Variants in NECTIN3 observed in about 807,000 individuals in gnomAD.
NECTIN3 encodes nectin-3.
In NECTIN3, 8 loss-of-function variants were observed where a neutral mutation model predicts 49.4. That is an observed-to-expected ratio of 0.16 (90% CI 0.10 to 0.29). The LOEUF (loss-of-function observed/expected upper bound fraction) is 0.29, where lower values mean the gene tolerates loss of function less well. Ranked by LOEUF, NECTIN3 falls within the 10% of genes least tolerant of loss-of-function variation. The pLI, the probability that NECTIN3 is intolerant of heterozygous loss-of-function variation, is 1.00. For missense variants in NECTIN3, 581 were observed against 654.6 expected (o/e 0.89, Z 1.23); for synonymous variants, 277 against 241.1 (o/e 1.15, Z -1.38).
chr3:111,138,985 T>G (rs893613042), downstream of NECTIN3, among the ~76,000 whole-genome samples: 1 of 151,580 alleles, frequency 6.6e-6, no homozygotes, highest in South Asian at 2.1e-4. Context: ...AAAAAGCTTC[T>G]TATTATGGAA....
chr3:111,171,502 C>G (rs1052135594), intron 7 of NECTIN3, among the ~76,000 whole-genome samples: 2 of 152,276 alleles, frequency 1.3e-5, no homozygotes, highest in Middle Eastern at 3.4e-3. Flanking sequence ...TAACCTTAGA[C>G]TTTAGTAGTT....
At chr3:111,191,594 G>C (rs995420389), upstream of NECTIN3, among the ~76,000 whole-genome samples, 5 of 151,888 alleles carry the variant, frequency 3.3e-5, no homozygotes, top group African/African-American at 9.7e-5. Flanking sequence ...TAATCTGTGT[G>C]GGGGGAGGGT....
chr3:111,172,902 A>G (rs2035460259), intron 7 of NECTIN3, among the ~76,000 whole-genome samples: 1 of 152,200 alleles, frequency 6.6e-6, no homozygotes, highest in South Asian at 2.1e-4. Flanking sequence ...GATTGCAGCA[A>G]ATCATTCCAA....
At chr3:111,100,053 T>C (rs1257612709) in intron 1 of NECTIN3, among the ~76,000 whole-genome samples, 1 of 152,072 alleles carries the variant, frequency 6.6e-6, no homozygotes, top group Non-Finnish European at 1.5e-5. Context: ...TTTATTCCAT[T>C]TTGTTACTCG....
In NECTIN3 at chr3:111,112,024, C is replaced by T; in HGVS notation, c.161-6C>T. 2 of 1,581,678 alleles carry T rather than the reference C, an allele frequency of 1.3e-6. No homozygotes were observed. Among genetic ancestry groups the T allele is most frequent in the Non-Finnish European group, 1.7e-6 (2 of 1,164,772 alleles). On this transcript the variant is annotated splice_polypyrimidine_tract_variant and splice_region_variant and intron_variant, in intron 1 of 5. Transcript: ENST00000485303. ...AAAAATTGTAGTACTTTTTTTTCCT[C>T]CATAGGTGCCTTAGCTGGACCAATT...
rs1373090755 is a variant in NECTIN3 at position 111,071,969 on chromosome 3, G to C, written c.-49G>C. ...GCCCAGAGCCTGAGGCGCCGGGGCC[G>C]GGGGAGCCGGGGGGCGGGCGGGCGA... On this transcript the variant is annotated 5_prime_UTR_variant, in exon 1 of 6. Coordinates refer to ENST00000485303, the MANE Select transcript of NECTIN3 (RefSeq NM_015480.3). 1 of 1,336,728 alleles carries C rather than the reference G, an allele frequency of 7.5e-7. No individual in the cohort carries two copies. Among genetic ancestry groups the C allele is most frequent in the Non-Finnish European group, 9.7e-7 (1 of 1,027,430 alleles). The allele number at this position is 1,336,728 out of a possible 1,614,324, so 82.8% of individuals were successfully genotyped here. A position where few individuals can be genotyped will look rare whatever the true frequency, so the allele number is the denominator to read the frequency against.
Position 111,071,893 on chromosome 3 carries a change from G to A in NECTIN3, c.-125G>A. ...GGCCAAGTGTCAGCCGGCAGCGACG[G>A]CGCTAGAGCTGGGAGCTGGGGACGC... On this transcript the variant is annotated 5_prime_UTR_variant, in exon 1 of 6. Coordinates refer to ENST00000485303, the MANE Select transcript of NECTIN3 (RefSeq NM_015480.3). The A allele has an allele frequency of 1.7e-6, 1 of 578,496 alleles. No homozygotes were observed. Among genetic ancestry groups the A allele is most frequent in the Non-Finnish European group, 2.6e-6 (1 of 383,882 alleles). 35.8% of individuals were successfully genotyped at this position (578,496 alleles called of 1,614,324 possible). A position where few individuals can be genotyped will look rare whatever the true frequency, so the allele number is the denominator to read the frequency against.
intron 1 of NECTIN3, among the ~76,000 whole-genome samples, chr3:111,097,512 G>C (rs1167799231): frequency 2.6e-5 from 4 of 152,152 alleles, no homozygotes; most frequent in African/African-American, 9.7e-5. Flanking sequence ...GAATGATATG[G>C]TTTGGCTGTG....
chr3:111,136,871 G>A lies in NECTIN3; in HGVS notation c.*2656G>A, dbSNP rs1014726524. ...TTTATTAAAATACATTGAAACTAAA[G>A]TAGGCTCGGGGTTAACTTTAAAAGT... On this transcript the variant is annotated 3_prime_UTR_variant, in exon 6 of 6. Coordinates refer to ENST00000485303, the MANE Select transcript of NECTIN3 (RefSeq NM_015480.3). 5.2e-6 allele frequency: 5 copies of A among 965,468 alleles called. No homozygotes were observed. The African/African-American group carries it at 7.1e-5, about 14-fold the overall frequency. The allele number at this position is 965,468 out of a possible 1,614,324, so 59.8% of individuals were successfully genotyped here.
At chr3:111,166,539 A>G (rs2035322951) in intron 7 of NECTIN3, among the ~76,000 whole-genome samples, 2 of 152,222 alleles carry the variant, frequency 1.3e-5, no homozygotes, top group Admixed American at 1.3e-4. Flanking sequence ...AGTTAAGACT[A>G]GGAAATCAGC....
intron 1 of NECTIN3, chr3:111,077,344 T>TA (rs10667346): frequency 0.017 from 1,359 of 80,306 alleles, 38 homozygotes; most frequent in African/African-American, 0.042. Flanking sequence ...ACTTTAATGG[T>TA]AAAAAAAAAA....
In NECTIN3 at chr3:111,170,022, C is replaced by G. The variant is rs150449154; in HGVS notation, c.1222-22329C>G. Among the ~76,000 whole-genome samples the G allele has an allele frequency of 2.6e-3, 395 of 152,288 alleles. 4 individuals carry two copies. Among genetic ancestry groups the G allele is most frequent in the Middle Eastern group, 6.8e-3 (2 of 294 alleles). On this transcript the variant is annotated intron_variant, in intron 7 of 8. Transcript: ENST00000493615. ...AGTTGAAAATGTTCTTGTGTGCCCCCCTTTGTCTCTATCCAAAGTGTGAGC... is the reference window on the plus strand; with the variant it reads ...AGTTGAAAATGTTCTTGTGTGCCCCGCTTTGTCTCTATCCAAAGTGTGAGC...
At chr3:111,115,354 G>A (rs1310600677) in intron 2 of NECTIN3, among the ~76,000 whole-genome samples, 1 of 152,220 alleles carries the variant, frequency 6.6e-6, no homozygotes, top group African/African-American at 2.4e-5. Flanking sequence ...CTAGGATAGG[G>A]AATTTGAGCT....
intron 1 of NECTIN3, among the ~76,000 whole-genome samples, chr3:111,193,703 G>T (rs2035855791): frequency 6.6e-6 from 1 of 152,152 alleles, no homozygotes. Context: ...TGATTCTCCA[G>T]AAAGAAAGGC....
chr3:111,130,245 C>T (rs1211507810), intron 5 of NECTIN3, among the ~76,000 whole-genome samples: 5 of 149,078 alleles, frequency 3.4e-5, no homozygotes, highest in African/African-American at 5.1e-5. Flanking sequence ...CATGAGCCAC[C>T]GCACCTAGCC....
intron 7 of NECTIN3, among the ~76,000 whole-genome samples, chr3:111,152,542 CT>C (rs1403216167): frequency 9.2e-5 from 14 of 151,600 alleles, no homozygotes; most frequent in Non-Finnish European, 1.5e-5. Flanking sequence ...ATTCTTTTGT[CT>C]TTTTATTTAT....
chr3:111,163,829 A>G (rs1472643855), intron 7 of NECTIN3, among the ~76,000 whole-genome samples: 3 of 152,176 alleles, frequency 2.0e-5, no homozygotes, highest in African/African-American at 7.2e-5. Context: ...TTACTTGGAT[A>G]AATAATATTT....
At chr3:111,102,352 A>G (rs542196581) in intron 1 of NECTIN3, among the ~76,000 whole-genome samples, 3 of 152,236 alleles carry the variant, frequency 2.0e-5, no homozygotes, top group South Asian at 2.1e-4. Flanking sequence ...TTCTTTAGCT[A>G]TATTGGTTTC....
intron 5 of NECTIN3, among the ~76,000 whole-genome samples, chr3:111,144,253 T>C (rs1317716062): frequency 6.6e-6 from 1 of 152,062 alleles, no homozygotes; most frequent in African/African-American, 2.4e-5. Context: ...AAATGACATA[T>C]GTCTATGGCC....
Sources: allele counts gnomAD v4.1 joint callset (sites outside exome capture counted in the v4.1 genomes callset), GRCh38; gene constraint gnomAD v4.1.1; transcripts MANE v1.5; gene names NCBI Gene and HGNC (gene_info 2026-07-23, HGNC 2026-07-21).